Variants in PHACTR1 observed in about 807,000 individuals in gnomAD.
The protein encoded by PHACTR1 is RPEL repeat containing 1.
A neutral mutation model predicts 69.2 loss-of-function variants in PHACTR1; 16 were observed. The observed-to-expected ratio is 0.23, with a 90% CI of 0.16 to 0.35. The LOEUF is 0.35. PHACTR1 is among the 10% of genes least tolerant of loss of function. The pLI, the probability that PHACTR1 is intolerant of heterozygous loss-of-function variation, is 1.00. For synonymous variants in PHACTR1, 312 were observed against 284.5 expected, an observed-to-expected ratio of 1.10 and a Z score of -0.97; for missense variants, 510 against 734.7, an observed-to-expected ratio of 0.69 and a Z score of 3.54.
At chr6:12,731,163 C>T (rs1022416084) in intron 3 of PHACTR1, among the ~76,000 whole-genome samples, 10 of 151,702 alleles carry the variant, frequency 6.6e-5, no homozygotes, top group Admixed American at 1.3e-4. Context: ...TTACAGGTGC[C>T]CGCCACCATG....
chr6:12,856,143 A>T (rs1780331614), intron 4 of PHACTR1, among the ~76,000 whole-genome samples: 1 of 152,182 alleles, frequency 6.6e-6, no homozygotes. Flanking sequence ...TTGGGACCCT[A>T]GGGGAGTAGA....
chr6:12,964,061 T>C (rs1342905644), intron 4 of PHACTR1, among the ~76,000 whole-genome samples: 2 of 152,190 alleles, frequency 1.3e-5, no homozygotes, highest in Non-Finnish European at 2.9e-5. Flanking sequence ...TATGTAGAAT[T>C]TCTCAAGTAA....
intron 3 of PHACTR1, among the ~76,000 whole-genome samples, chr6:12,732,678 A>G (rs1318628458): frequency 2.0e-5 from 3 of 151,916 alleles, no homozygotes; most frequent in African/African-American, 7.3e-5. Context: ...ATGGCTGTGT[A>G]GTATTCCATG....
At chr6:12,805,950 A>G (rs1381215508) in intron 4 of PHACTR1, among the ~76,000 whole-genome samples, 3 of 152,102 alleles carry the variant, frequency 2.0e-5, no homozygotes, top group Non-Finnish European at 4.4e-5. Context: ...GTTGACTACA[A>G]CTTCTGTCAT....
At chr6:13,079,856 C>T (rs950971344) in intron 5 of PHACTR1, among the ~76,000 whole-genome samples, 6 of 152,178 alleles carry the variant, frequency 3.9e-5, no homozygotes, top group African/African-American at 7.2e-5. Context: ...TTCACCTCTT[C>T]GAAACTTCTC....
chr6:12,874,054 C>CTA (rs1223260755), intron 4 of PHACTR1, among the ~76,000 whole-genome samples: 1 of 152,216 alleles, frequency 6.6e-6, no homozygotes, highest in East Asian at 1.9e-4. Context: ...CTCTCTAAAG[C>CTA]TATAGTTCTC....
At chr6:13,228,665 T>C (rs1174461116) in intron 9 of PHACTR1, among the ~76,000 whole-genome samples, 1 of 152,230 alleles carries the variant, frequency 6.6e-6, no homozygotes, top group Non-Finnish European at 1.5e-5. Flanking sequence ...ATAGCAACCA[T>C]GCATTGAACA....
chr6:13,011,445 C>G (rs765041207), intron 4 of PHACTR1, among the ~76,000 whole-genome samples: 3 of 152,194 alleles, frequency 2.0e-5, no homozygotes, highest in Admixed American at 6.5e-5. Context: ...AAACTTCATA[C>G]CTTTTATACA....
chr6:12,988,193 A>C (rs561360183), intron 4 of PHACTR1, among the ~76,000 whole-genome samples: 2 of 152,364 alleles, frequency 1.3e-5, no homozygotes, highest in South Asian at 2.1e-4. Flanking sequence ...CAGGTAAAAG[A>C]CATAGAGGAA....
intron 6 of PHACTR1, among the ~76,000 whole-genome samples, chr6:13,166,397 C>T (rs993770853): frequency 1.3e-5 from 2 of 152,134 alleles, no homozygotes; most frequent in African/African-American, 4.8e-5. Flanking sequence ...CAGGGGTCTT[C>T]GTCTGATTTG....
At chr6:12,955,027 G>T (rs898959549) in intron 4 of PHACTR1, among the ~76,000 whole-genome samples, 1 of 152,034 alleles carries the variant, frequency 6.6e-6, no homozygotes, top group African/African-American at 2.4e-5. Flanking sequence ...AGTATGAAAA[G>T]AATACATAAT....
chr6:13,039,721 C>T (rs904137678), intron 4 of PHACTR1, among the ~76,000 whole-genome samples: 2 of 152,132 alleles, frequency 1.3e-5, no homozygotes, highest in East Asian at 3.9e-4. Flanking sequence ...AATTCAGAAA[C>T]CAATTGAAAT....
In PHACTR1 at chr6:12,716,881, G is replaced by C. The variant is rs1348034578; in HGVS notation, c.-297G>C. The C allele has an allele frequency of 6.6e-6, 1 of 151,994 alleles. No homozygotes were observed. The highest frequency in any genetic ancestry group is 1.5e-5 in the Non-Finnish European group (1 of 68,010). The allele number at this position is 151,994 out of a possible 1,614,324, so 9.4% of individuals were successfully genotyped here. On this transcript the variant is annotated 5_prime_UTR_variant, in exon 1 of 15. Coordinates refer to ENST00000332995, the MANE Select transcript of PHACTR1 (RefSeq NM_030948.6). Reference sequence around the variant, plus strand: ...GTACTCTACCGTGTCCTGTTGAAAGGGGTCAACAAGTGCCGGTGAGTATCC... The same window carrying C: ...GTACTCTACCGTGTCCTGTTGAAAGCGGTCAACAAGTGCCGGTGAGTATCC...
At chr6:12,915,506 CAAA>C (rs1225757251) in intron 4 of PHACTR1, among the ~76,000 whole-genome samples, 1 of 50,240 alleles carries the variant, frequency 2.0e-5, no homozygotes, top group African/African-American at 7.3e-5. Flanking sequence ...AACTCTCTCT[CAAA>C]AAAAAAAAAA....
At chr6:12,821,255 A>C (rs960093594) in intron 4 of PHACTR1, among the ~76,000 whole-genome samples, 8 of 152,176 alleles carry the variant, frequency 5.3e-5, no homozygotes, top group African/African-American at 1.9e-4. Flanking sequence ...TGAGGTCAGG[A>C]GTTTGAGACC....
chr6:13,276,313 G>C (rs2235173), intron 11 of PHACTR1, among the ~76,000 whole-genome samples: 98,301 of 152,066 alleles, frequency 0.65, 33,575 homozygotes, highest in Non-Finnish European at 0.78. Flanking sequence ...AGGCGGTTGG[G>C]GGGCCAAATC....
chr6:13,188,033 T>C (rs1763040669), intron 7 of PHACTR1, among the ~76,000 whole-genome samples: 1 of 152,106 alleles, frequency 6.6e-6, no homozygotes, highest in African/African-American at 2.4e-5. Context: ...ACCGAAGATA[T>C]CTCAATTGGC....
chr6:12,841,730 A>G (rs1778719817), intron 4 of PHACTR1, among the ~76,000 whole-genome samples: 2 of 152,228 alleles, frequency 1.3e-5, no homozygotes, highest in Non-Finnish European at 2.9e-5. Flanking sequence ...TATTTAAACA[A>G]TTGAAAGAGT....
chr6:12,862,475 A>G (rs1781039318), intron 4 of PHACTR1, among the ~76,000 whole-genome samples: 1 of 152,144 alleles, frequency 6.6e-6, no homozygotes, highest in Admixed American at 6.5e-5. Flanking sequence ...GGTCACCGGC[A>G]TACACTGGGG....
Sources: allele counts gnomAD v4.1 joint callset (sites outside exome capture counted in the v4.1 genomes callset), GRCh38; gene constraint gnomAD v4.1.1; transcripts MANE v1.5; gene names NCBI Gene and HGNC (gene_info 2026-07-23, HGNC 2026-07-21).